The following ANKZF1 variants were observed in gnomAD, a reference collection of about 807,000 sequenced individuals.
ANKZF1 encodes the protein ankyrin repeat and zinc finger peptidyl tRNA hydrolase 1.
Under a neutral mutation model 86.0 loss-of-function variants are expected in ANKZF1, and 84 were observed. The observed-to-expected ratio is 0.98, with a 90% CI of 0.82 to 1.17. The LOEUF (loss-of-function observed/expected upper bound fraction) is 1.17. Ranked by LOEUF, ANKZF1 falls within the 50% of genes most tolerant of loss-of-function variation. The pLI is 0.00. For synonymous variants in ANKZF1, 331 were observed against 354.2 expected (o/e 0.93, Z 0.74); for missense variants, 893 against 918.4 (o/e 0.97, Z 0.36).
At position 219,232,249 on chromosome 2, in the gene ANKZF1, C is replaced by T. The variant is rs748895379; in HGVS notation, c.262-11C>T. On this transcript the variant is annotated splice_polypyrimidine_tract_variant and intron_variant, in intron 3 of 13. Transcript: ENST00000323348. Reference sequence around the variant, plus strand: ...TTTCCACCTTTATCTCACTCTTTGTCTTTGTACTAGAGGGAACATTATAAG... The same window carrying T: ...TTTCCACCTTTATCTCACTCTTTGTTTTTGTACTAGAGGGAACATTATAAG... The T allele has an allele frequency of 1.2e-6, 2 of 1,613,076 alleles. No individual in the cohort carries two copies. Among genetic ancestry groups the T allele is most frequent in the Non-Finnish European group, 1.7e-6 (2 of 1,179,044 alleles).
In ANKZF1 at chr2:219,236,420, G is replaced by A. The variant is rs760285620; in HGVS notation, c.2156G>A (p.Arg719His). The A allele has an allele frequency of 7.5e-6, 12 of 1,609,702 alleles. No homozygotes were observed. Among genetic ancestry groups the A allele is most frequent in the Non-Finnish European group, 1.0e-5 (12 of 1,177,460 alleles). Residue 719 changes from arginine to histidine, a missense_variant, in exon 14 of 14, where the codon CGT (arginine) becomes CAT (histidine). Arg to His is a conservative substitution (Grantham distance 29). Transcript: ENST00000323348. ...ACACGTTGCCTCCAGGATCATCGCCGTCAGGCAGGGAGGCCCTCTTCCTGA... is the reference window on the plus strand; with the variant it reads ...ACACGTTGCCTCCAGGATCATCGCCATCAGGCAGGGAGGCCCTCTTCCTGA... ...CSTRCLQDHR[R>H]QAGRPSS
Position 219,234,974 on chromosome 2 carries a change from G to A in ANKZF1, c.1353G>A (p.Glu451=). 2 of 1,614,252 alleles carry A rather than the reference G, an allele frequency of 1.2e-6. No individual in the cohort carries two copies. The highest frequency in any genetic ancestry group is 1.7e-6 in the Non-Finnish European group (2 of 1,180,052). Residue 451 remains glutamate, a synonymous_variant, in exon 10 of 14, where the codon GAG becomes GAA. Transcript: ENST00000323348. ...AGAAGGAGAAAAGCCGAGACCAGGA[G>A]GCTGGGGCACATCGGACTCTTCTCC... The part of the protein sequence containing the change: ...RNKKEKSRDQ[E]AGAHRTLLQQ...
chr2:219,230,397 C>A lies in ANKZF1; in HGVS notation c.140C>A (p.Ser47Tyr). The stretch of plus-strand genomic sequence containing the variant: ...GCTCTGGCCCGGGCTCCGCGTACTT[C>A]CTGTTCAGGTATCCTGGAAGGTTTC... ...GEALARAPRT[S>Y]CSGSGERESP... The change falls in exon 2 of 14, where the codon TCC becomes TAC. Residue 47 changes from serine to tyrosine, a missense_variant. Ser to Tyr is a moderately radical substitution (Grantham distance 144, BLOSUM62 -2). Coordinates refer to ENST00000323348, the MANE Select transcript of ANKZF1 (RefSeq NM_018089.3). The A allele has an allele frequency of 6.2e-7, 1 of 1,608,596 alleles. No homozygotes were observed.
chr2:219,234,757 T>C, intron 9 of ANKZF1, 69 bp from the exon 10 acceptor site: 2 of 1,515,684 alleles, frequency 1.3e-6, no homozygotes, highest in South Asian at 2.7e-5. Context: ...CAGGCTTTCA[T>C]TCTTATGCAT....
intron 4 of ANKZF1, 39 bp from the exon 5 acceptor site, chr2:219,232,451 G>C: frequency 6.2e-7 from 1 of 1,611,386 alleles, no homozygotes; most frequent in Non-Finnish European, 8.5e-7. Flanking sequence ...AACAAAAATG[G>C]GGTACCAAAC....
intron 10 of ANKZF1, 26 bp from the exon 11 acceptor site, chr2:219,235,448 C>G: frequency 6.2e-7 from 1 of 1,611,956 alleles, no homozygotes; most frequent in Non-Finnish European, 8.5e-7. Context: ...GCAAGTTAAA[C>G]CCATTTTTGG....
rs1166920926 is a variant in ANKZF1 at position 219,235,097 on chromosome 2, A to G, written c.1476A>G (p.Pro492=). Residue 492 remains proline, a synonymous_variant, in exon 10 of 14, where the codon CCA becomes CCG. Coordinates refer to ENST00000323348, the MANE Select transcript of ANKZF1 (RefSeq NM_018089.3). ...ATGAGGCCAAAGCCCCTGGTCAGCCAGAGCTCTGGAATGCACTGCTTGCTG... is the reference window on the plus strand; with the variant it reads ...ATGAGGCCAAAGCCCCTGGTCAGCCGGAGCTCTGGAATGCACTGCTTGCTG... The part of the protein sequence containing the change: ...LLDEAKAPGQ[P]ELWNALLAAC... 6.2e-7 allele frequency: 1 copy of G among 1,614,238 alleles called. No homozygotes were observed. Among genetic ancestry groups the G allele is most frequent in the East Asian group, 2.2e-5 (1 of 44,882 alleles).
chr2:219,233,700 T>C lies in ANKZF1; in HGVS notation c.820-15T>C, dbSNP rs1030139191. ...CAAGTGAAGGTATGCAGGACTGAGT[T>C]ACTCTCTTCTCTAGGATGTTCGTGA... On this transcript the variant is annotated splice_polypyrimidine_tract_variant and intron_variant, in intron 7 of 13. Coordinates refer to ENST00000323348, the MANE Select transcript of ANKZF1 (RefSeq NM_018089.3). 2.5e-6 allele frequency: 4 copies of C among 1,600,032 alleles called. No individual in the cohort carries two copies. In the African/African-American group the frequency reaches 5.4e-5, roughly 22 times the overall value.
rs763226262 is a variant in ANKZF1, at chr2:219,233,318, G to A, written c.704G>A (p.Arg235His). Residue 235 changes from arginine to histidine, a missense_variant, in exon 7 of 14, where the codon CGC becomes CAC. Transcript: ENST00000323348. ...GTGGTGACACACAAAACTTTTCACC[G>A]CTATACGGTTCGGGCCAAGCGGGGC... ...REVVTHKTFH[R>H]YTVRAKRGTA... is the part of the protein sequence containing the mutation. 6.2e-6 allele frequency: 10 copies of A among 1,614,102 alleles called. No individual in the cohort carries two copies. The highest frequency in any genetic ancestry group is 3.3e-4 in the Middle Eastern group (2 of 6,084).
chr2:219,234,356 A>T, intron 9 of ANKZF1, 68 bp downstream of exon 9: 1 of 1,590,798 alleles, frequency 6.3e-7, no homozygotes, highest in Non-Finnish European at 8.6e-7. Context: ...CAAATTCCCT[A>T]CTCTCATAAC....
chr2:219,234,515 G>T, intron 9 of ANKZF1: 1 of 658,796 alleles, frequency 1.5e-6, no homozygotes. Context: ...CAGATGCGTG[G>T]ATGTGTTGCA....
Position 219,236,087 on chromosome 2 carries a change from C to T in ANKZF1, c.2049C>T (p.Val683=), listed in dbSNP as rs1385007951. 8 of 1,614,088 alleles carry T rather than the reference C, an allele frequency of 5.0e-6. No individual in the cohort carries two copies. The highest frequency in any genetic ancestry group is 5.9e-6 in the Non-Finnish European group (7 of 1,180,050). The stretch of plus-strand genomic sequence containing the variant: ...CTCCAATCCCTGACTCTGCAATCGT[C>T]AATACTCGGTATGGGGTGCGGGATG... The part of the protein sequence containing the change: ...PTSPIPDSAI[V]NTRRCWSCGA... The change falls in exon 13 of 14, where the codon GTC becomes GTT. Residue 683 remains valine (V), a synonymous_variant. Coordinates refer to ENST00000323348, the MANE Select transcript of ANKZF1 (RefSeq NM_018089.3).
At chr2:219,233,984 G>A in intron 8 of ANKZF1, 41 bp downstream of exon 8, 1 of 1,537,242 alleles carries the variant, frequency 6.5e-7, no homozygotes, top group Non-Finnish European at 8.7e-7. Flanking sequence ...AGACCTTCCT[G>A]TTCTCTCCAA....
chr2:219,233,600 T>C (rs762507302), intron 7 of ANKZF1, 115 bp from the exon 8 acceptor site: 6 of 1,407,942 alleles, frequency 4.3e-6, no homozygotes, highest in East Asian at 2.3e-5. Flanking sequence ...CTCTATTCTT[T>C]CTCCGTGTTA....
At chr2:219,230,492 G>A in intron 2 of ANKZF1, 87 bp downstream of exon 2, 2 of 1,449,392 alleles carry the variant, frequency 1.4e-6, no homozygotes, top group Non-Finnish European at 1.8e-6. Flanking sequence ...TGGTATTCCC[G>A]AGCTTAGGAG....
chr2:219,230,109 T>C, intron 1 of ANKZF1, 119 bp from the exon 2 acceptor site: 1 of 775,928 alleles, frequency 1.3e-6, no homozygotes, highest in East Asian at 2.9e-5. Flanking sequence ...TCACAGTTGG[T>C]AGCAGGATGA....
At chr2:219,232,987 T>C in intron 5 of ANKZF1, 92 bp from the exon 6 acceptor site, 3 of 1,225,718 alleles carry the variant, frequency 2.4e-6, no homozygotes, top group South Asian at 2.5e-5. Context: ...GGTGGTAATA[T>C]TAAATGAGAT....
chr2:219,230,350 G>C lies in ANKZF1; in HGVS notation c.93G>C (p.Leu31=), dbSNP rs771012679. Residue 31 remains leucine, a synonymous_variant, in exon 2 of 14, where the codon CTG becomes CTC. Transcript: ENST00000323348. Reference sequence around the variant, plus strand: ...CTCCGGTCTTTCAGGGCCTGAGCCTGGTGAGCCACGCGCCTGGGGAGGCTC... The same window carrying C: ...CTCCGGTCTTTCAGGGCCTGAGCCTCGTGAGCCACGCGCCTGGGGAGGCTC... ...ADAPVFQGLS[L]VSHAPGEALA... is the part of the protein sequence containing the mutation. 2.5e-6 allele frequency: 4 copies of C among 1,613,822 alleles called. No individual in the cohort carries two copies. Among genetic ancestry groups the C allele is most frequent in the African/African-American group, 1.3e-5 (1 of 74,934 alleles).
At position 219,235,895 on chromosome 2, in the gene ANKZF1, T is replaced by C. The variant is rs1433807174; in HGVS notation, c.1971+20T>C. On this transcript the variant is annotated intron_variant, in intron 12 of 13. Transcript: ENST00000323348. ...GAGAAGGTGAGGCTGGAGGTTCTCT[T>C]GTCCATGGCAAGGCTTCCTAGAGGT... 23 of 1,613,782 alleles carry C rather than the reference T, an allele frequency of 1.4e-5. No homozygotes were observed. Among genetic ancestry groups the C allele is most frequent in the Non-Finnish European group, 1.9e-5 (22 of 1,179,800 alleles).
Sources: allele counts gnomAD v4.1 joint callset, GRCh38; gene constraint gnomAD v4.1.1; transcripts MANE v1.5; gene names NCBI Gene and HGNC (gene_info 2026-07-23, HGNC 2026-07-21).